DOCK3: variants seen among roughly 807,000 people sequenced by gnomAD.
DOCK3 encodes the protein dedicator of cytokinesis protein 3.
In DOCK3, 60 loss-of-function variants were observed where a neutral mutation model predicts 265.6. The ratio of observed to expected loss-of-function variants is 0.23; its 90% CI spans 0.18 to 0.28. The LOEUF (loss-of-function observed/expected upper bound fraction) is 0.28, where lower values mean the gene tolerates loss of function less well. DOCK3 is among the 10% of genes least tolerant of loss of function. DOCK3 has a pLI of 1.00. For missense variants in DOCK3, 1,981 were observed against 2,594.3 expected (o/e 0.76, Z 5.14); for synonymous variants, 881 against 938.0 (o/e 0.94, Z 1.11).
chr3:50,886,355 G>C (rs961694624), intron 3 of DOCK3, among the ~76,000 whole-genome samples: 2 of 151,668 alleles, frequency 1.3e-5, no homozygotes, highest in Non-Finnish European at 2.9e-5. Flanking sequence ...ATAAACGATA[G>C]TCATCATTTA....
At chr3:51,137,043 A>T (rs1040026162) in intron 9 of DOCK3, among the ~76,000 whole-genome samples, 1 of 129,190 alleles carries the variant, frequency 7.7e-6, no homozygotes, top group East Asian at 4.1e-4. Context: ...AAATTAATTA[A>T]AAAAAAAACA....
chr3:50,699,158 G>T (rs1168247179), intron 1 of DOCK3, among the ~76,000 whole-genome samples: 1 of 152,140 alleles, frequency 6.6e-6, no homozygotes, highest in African/African-American at 2.4e-5. Flanking sequence ...AGCACCATTT[G>T]TTGAAGAGGC....
At chr3:51,345,391 G>C (rs1047484195) in intron 38 of DOCK3, among the ~76,000 whole-genome samples, 1 of 152,144 alleles carries the variant, frequency 6.6e-6, no homozygotes, top group Admixed American at 6.5e-5. Context: ...TGGTAGGATG[G>C]CTTGAGACTA....
At chr3:51,034,497 T>C (rs1046959237) in intron 5 of DOCK3, among the ~76,000 whole-genome samples, 3 of 152,142 alleles carry the variant, frequency 2.0e-5, no homozygotes, top group Non-Finnish European at 4.4e-5. Context: ...GTAGATACTT[T>C]ACAACTGTGA....
At chr3:50,917,403 G>C (rs569605423) in intron 4 of DOCK3, among the ~76,000 whole-genome samples, 1 of 151,852 alleles carries the variant, frequency 6.6e-6, no homozygotes, top group Non-Finnish European at 1.5e-5. Flanking sequence ...ATTTATCCAG[G>C]TGTCCTATTT....
intron 27 of DOCK3, among the ~76,000 whole-genome samples, chr3:51,308,873 G>A (rs1429187632): frequency 4.7e-5 from 7 of 150,410 alleles, no homozygotes; most frequent in Non-Finnish European, 7.4e-5. Context: ...CAGACGGGGC[G>A]GCTGCCGGGC....
intron 2 of DOCK3, among the ~76,000 whole-genome samples, chr3:50,811,140 T>A (rs1239449653): frequency 6.6e-6 from 1 of 152,102 alleles, no homozygotes; most frequent in Non-Finnish European, 1.5e-5. Context: ...ATGCTTGTAA[T>A]CCTCAGTGGA....
chr3:51,110,303 C>T (rs547641967), intron 9 of DOCK3, among the ~76,000 whole-genome samples: 23 of 152,154 alleles, frequency 1.5e-4, no homozygotes, highest in Non-Finnish European at 3.1e-4. Context: ...AGAAGAGACT[C>T]CTCCCCAACT....
chr3:51,262,563 A>G (rs933864356), intron 23 of DOCK3, among the ~76,000 whole-genome samples: 2 of 152,210 alleles, frequency 1.3e-5, no homozygotes, highest in African/African-American at 2.4e-5. Flanking sequence ...TGGACAGAGA[A>G]TGAGTTTGAT....
chr3:50,923,586 G>T (rs2108061186), intron 4 of DOCK3, among the ~76,000 whole-genome samples: 1 of 152,148 alleles, frequency 6.6e-6, no homozygotes, highest in South Asian at 2.1e-4. Context: ...AAAATAGGTG[G>T]GGAAACAATC....
intron 5 of DOCK3, among the ~76,000 whole-genome samples, chr3:51,050,861 C>G (rs886549470): frequency 1.3e-5 from 2 of 152,106 alleles, no homozygotes; most frequent in African/African-American, 2.4e-5. Flanking sequence ...TTAGCCCAGT[C>G]AAGTTAACAT....
intron 5 of DOCK3, among the ~76,000 whole-genome samples, chr3:51,012,289 G>C (rs1393473578): frequency 1.3e-5 from 2 of 152,134 alleles, no homozygotes; most frequent in African/African-American, 4.8e-5. Context: ...AGCTGCGGTG[G>C]GCTCCACCCA....
chr3:50,755,343 A>G (rs1239726243), intron 1 of DOCK3, among the ~76,000 whole-genome samples: 1 of 152,220 alleles, frequency 6.6e-6, no homozygotes, highest in Admixed American at 6.5e-5. Flanking sequence ...AAATTTGCCA[A>G]ACTGAACCTT....
At chr3:50,705,180 A>G (rs552960462) in intron 1 of DOCK3, among the ~76,000 whole-genome samples, 1 of 151,516 alleles carries the variant, frequency 6.6e-6, no homozygotes, top group Non-Finnish European at 1.5e-5. Context: ...AGTGAGTTTC[A>G]TACTTTCATG....
chr3:50,727,387 A>G (rs1371633912), intron 1 of DOCK3, among the ~76,000 whole-genome samples: 1 of 152,228 alleles, frequency 6.6e-6, no homozygotes, highest in Non-Finnish European at 1.5e-5. Context: ...TACTAGAGAA[A>G]AAAGACATTT....
At chr3:51,017,903 T>C (rs2079418152) in intron 5 of DOCK3, among the ~76,000 whole-genome samples, 1 of 151,898 alleles carries the variant, frequency 6.6e-6, no homozygotes, top group African/African-American at 2.4e-5. Context: ...TTTTTCTTTT[T>C]CTTTTTTTAG....
chr3:51,350,369 A>C lies in DOCK3; in HGVS notation c.4084A>C (p.Arg1362=), dbSNP rs768330455. ...PEFFRVGFYG[R]KFPFFLRNKE... The stretch of plus-strand genomic sequence containing the variant: ...GTTCTTTCGGGTCGGCTTCTATGGC[A>C]GGAAGTTTCCTTTCTTTCTTCGGGT... Residue 1362 remains arginine (R), a synonymous_variant, in exon 40 of 53, where the codon AGG becomes CGG. Coordinates refer to ENST00000266037, the MANE Select transcript of DOCK3 (RefSeq NM_004947.5). 17 of 1,612,550 alleles carry C rather than the reference A, an allele frequency of 1.1e-5. No homozygotes were observed. Among genetic ancestry groups the C allele is most frequent in the Non-Finnish European group, 1.4e-5 (16 of 1,179,610 alleles).
At chr3:51,097,053 G>C (rs1387622004) in intron 9 of DOCK3, among the ~76,000 whole-genome samples, 1 of 152,182 alleles carries the variant, frequency 6.6e-6, no homozygotes, top group East Asian at 1.9e-4. Context: ...ACCCCTGCTG[G>C]GAGGTGTCTC....
intron 26 of DOCK3, chr3:51,278,618 A>T (rs1400838135): frequency 2.6e-6 from 1 of 378,810 alleles, no homozygotes; most frequent in Non-Finnish European, 2.9e-6. Flanking sequence ...TAAAAAACAT[A>T]TATATATATA....
Sources: allele counts gnomAD v4.1 joint callset (sites outside exome capture counted in the v4.1 genomes callset), GRCh38; gene constraint gnomAD v4.1.1; transcripts MANE v1.5; gene names NCBI Gene and HGNC (gene_info 2026-07-23, HGNC 2026-07-21).